FAM234A: variants seen among roughly 807,000 people sequenced by gnomAD.
FAM234A encodes protein FAM234A.
A neutral mutation model predicts 49.1 loss-of-function variants in FAM234A; 42 were observed. That is an observed-to-expected ratio of 0.86 (90% CI 0.67 to 1.11). FAM234A has a LOEUF of 1.11. FAM234A is among the 50% of genes least tolerant of loss of function. FAM234A has a pLI of 0.00. For synonymous variants in FAM234A, 369 were observed against 316.2 expected, an observed-to-expected ratio of 1.17 and a Z score of -1.77; for missense variants, 815 against 745.2, an observed-to-expected ratio of 1.09 and a Z score of -1.09.
downstream of FAM234A, chr16:268,671 G>T (rs2060593734): frequency 2.4e-6 from 3 of 1,257,736 alleles, no homozygotes; most frequent in South Asian, 4.0e-5. Context: ...GCGCACCTGT[G>T]GACAAATTCT....
chr16:259,846 G>T (rs2051385640), intron 4 of FAM234A, 123 bp from the exon 5 acceptor site: 1 of 885,762 alleles, frequency 1.1e-6, no homozygotes, highest in Non-Finnish European at 1.8e-6. Context: ...GATCCACCTG[G>T]CGGGAGGGGC....
At chr16:263,945 T>C in intron 10 of FAM234A, 71 bp from the exon 11 acceptor site, 2 of 1,517,162 alleles carry the variant, frequency 1.3e-6, no homozygotes, top group Admixed American at 1.7e-5. Context: ...AGGGCACGTG[T>C]GCCTGTGCAA....
intron 1 of FAM234A, among the ~76,000 whole-genome samples, chr16:238,274 T>C (rs2050471958): frequency 6.6e-6 from 1 of 152,040 alleles, no homozygotes; most frequent in Non-Finnish European, 1.5e-5. Context: ...CCATCTTGGC[T>C]TCCCAAAGTG....
intron 11 of FAM234A, 133 bp downstream of exon 11, chr16:264,304 C>G: frequency 9.8e-7 from 1 of 1,024,692 alleles, no homozygotes; most frequent in East Asian, 2.6e-5. Flanking sequence ...CAGTGACAGT[C>G]AGGATGAGGT....
At chr16:236,703 G>A (rs1367420542) in intron 1 of FAM234A, among the ~76,000 whole-genome samples, 2 of 150,378 alleles carry the variant, frequency 1.3e-5, no homozygotes, top group Non-Finnish European at 3.0e-5. Context: ...TCAGGAGATC[G>A]AGACCATCGT....
rs563568001 is a variant in FAM234A, at chr16:263,754, C to A, written c.1167C>A (p.Asn389Lys). The stretch of plus-strand genomic sequence containing the variant: ...ACACCTTGGCTGTAGCCGTTGAAAA[C>A]GGAACTGGCACCGACAGACAGGTTC... Reference protein sequence around the residue: ...KPDTLAVAVENGTGTDRQILF... With the variant: ...KPDTLAVAVEKGTGTDRQILF... The change falls in exon 10 of 13, where the codon AAC (asparagine) becomes AAA (lysine). Residue 389 changes from asparagine (N) to lysine (K), a missense_variant. Transcript: ENST00000399932. 3 of 1,613,766 alleles carry A rather than the reference C, an allele frequency of 1.9e-6. No homozygotes were observed. Among genetic ancestry groups the A allele is most frequent in the African/African-American group, 2.7e-5 (2 of 74,942 alleles).
intron 2 of FAM234A, among the ~76,000 whole-genome samples, chr16:252,259 A>G (rs1204000): frequency 2.7e-4 from 39 of 145,418 alleles, no homozygotes; most frequent in African/African-American, 9.4e-4. Context: ...TTGGCTCACT[A>G]CAACCTCTGC....
At chr16:261,998 A>G (rs2051486366) in intron 6 of FAM234A, 95 bp from the exon 7 acceptor site, 1 of 941,164 alleles carries the variant, frequency 1.1e-6, no homozygotes, top group East Asian at 5.0e-5. Context: ...GTGTCATTGC[A>G]GCCCCAGGCT....
chr16:269,578 T>C, downstream of FAM234A: 1 of 1,612,832 alleles, frequency 6.2e-7, no homozygotes, highest in Non-Finnish European at 8.5e-7. Flanking sequence ...GAACCTTGGG[T>C]AGGAGTCCTA....
In FAM234A at chr16:264,934, G is replaced by C. The variant is rs1350469685; in HGVS notation, c.1571G>C (p.Arg524Thr). Reference protein sequence around the residue: ...HKVRDLVPSSRVVRLGEGGPD... With the variant: ...HKVRDLVPSSTVVRLGEGGPD... ...GTGCGGGACCTTGTCCCAAGCAGCAGGGTGGTCCGCCTGGGTGAGGGTGGG... is the reference window on the plus strand; with the variant it reads ...GTGCGGGACCTTGTCCCAAGCAGCACGGTGGTCCGCCTGGGTGAGGGTGGG... The change falls in exon 13 of 13, where the codon AGG becomes ACG. Residue 524 changes from arginine (R) to threonine (T), a missense_variant. Transcript: ENST00000399932. 1.2e-6 allele frequency: 2 copies of C among 1,612,952 alleles called. No individual in the cohort carries two copies. The highest frequency in any genetic ancestry group is 2.2e-5 in the South Asian group (2 of 91,078).
intron 4 of FAM234A, 49 bp from the exon 5 acceptor site, chr16:259,920 T>G (rs1015135721): frequency 2.6e-5 from 40 of 1,552,226 alleles, no homozygotes; most frequent in Non-Finnish European, 3.4e-5. Flanking sequence ...CTGGCCGGCC[T>G]GCCTGCCCAG....
chr16:238,765 CA>C (rs34366851), intron 1 of FAM234A, among the ~76,000 whole-genome samples: 97 of 37,888 alleles, frequency 2.6e-3, no homozygotes, highest in African/African-American at 6.3e-3. Flanking sequence ...GACTCCGTCT[CA>C]AAAAAAAAAA....
chr16:269,546 C>T, downstream of FAM234A: 1 of 1,613,426 alleles, frequency 6.2e-7, no homozygotes, highest in Non-Finnish European at 8.5e-7. Flanking sequence ...GCCAGGAGGG[C>T]CTTGTACATG....
rs544065529 is a variant in FAM234A at position 241,771 on chromosome 16, G to A, written c.-140+6914G>A. 4.6e-5 allele frequency among the ~76,000 whole-genome samples: 7 copies of A among 151,422 alleles called. No homozygotes were observed. The South Asian group carries it at 6.3e-4, about 14-fold the overall frequency. ...TCTCTACTAAAAATACAAAAAATTA[G>A]CCGGGCTTGGTGGCGGGCACCTGTA... On this transcript the variant is annotated intron_variant, in intron 1 of 12. Transcript: ENST00000399932.
intron 3 of FAM234A, among the ~76,000 whole-genome samples, chr16:257,471 C>A (rs1368069406): frequency 3.3e-5 from 5 of 151,954 alleles, no homozygotes; most frequent in Non-Finnish European, 7.4e-5. Context: ...GTCTCAAACT[C>A]TTGACCTCAG....
At position 239,021 on chromosome 16, in the gene FAM234A, G is replaced by A. The variant is rs570391268; in HGVS notation, c.-140+4164G>A. 2.2e-3 allele frequency among the ~76,000 whole-genome samples: 319 copies of A among 147,932 alleles called. 3 individuals are homozygous for A. The highest frequency in any genetic ancestry group is 7.4e-3 in the African/African-American group (297 of 40,020). ...TGTTTGAACCCAGGAGGCGGAGGTT[G>A]CGGTGAGCTGAGATCGCTCCGCTAC... On this transcript the variant is annotated intron_variant, in intron 1 of 12. Coordinates refer to ENST00000399932, the MANE Select transcript of FAM234A (RefSeq NM_032039.4).
At chr16:243,435 T>C (rs1007912145) in intron 1 of FAM234A, among the ~76,000 whole-genome samples, 1 of 152,172 alleles carries the variant, frequency 6.6e-6, no homozygotes, top group Non-Finnish European at 1.5e-5. Flanking sequence ...CCATGGGGAT[T>C]TTCTCTGCCA....
chr16:238,113 G>A (rs986015239), intron 1 of FAM234A, among the ~76,000 whole-genome samples: 8 of 152,026 alleles, frequency 5.3e-5, no homozygotes, highest in African/African-American at 1.7e-4. Context: ...CCGCCTCCCA[G>A]GTTCAAGCGA....
chr16:264,217 GA>G, intron 11 of FAM234A, 46 bp downstream of exon 11: 1 of 1,539,458 alleles, frequency 6.5e-7, no homozygotes, highest in Non-Finnish European at 8.7e-7. Flanking sequence ...GCCGGGGCCA[GA>G]GACCCAGGCT....
Sources: allele counts gnomAD v4.1 joint callset (sites outside exome capture counted in the v4.1 genomes callset), GRCh38; gene constraint gnomAD v4.1.1; transcripts MANE v1.5; gene names NCBI Gene and HGNC (gene_info 2026-07-23, HGNC 2026-07-21).